Variants in NALF1 observed in about 807,000 individuals in gnomAD.
NALF1 encodes the protein NALCN channel auxiliary factor 1, also known as family with sequence similarity 155 member A.
In NALF1, 3 loss-of-function variants were observed where a neutral mutation model predicts 48.4. The observed-to-expected ratio is 0.06, with a 90% CI of 0.03 to 0.16. The LOEUF (loss-of-function observed/expected upper bound fraction) is 0.16, where lower values mean the gene tolerates loss of function less well. Among genes scored for constraint, NALF1 ranks in the 10% least tolerant of loss-of-function variants. The pLI is 1.00. For synonymous variants in NALF1, 262 were observed against 245.7 expected (o/e 1.07, Z -0.62); for missense variants, 526 against 571.5 (o/e 0.92, Z 0.81).
intron 1 of NALF1, among the ~76,000 whole-genome samples, chr13:107,235,658 T>TA (rs2138829625): frequency 6.6e-6 from 1 of 152,362 alleles, no homozygotes; most frequent in East Asian, 1.9e-4. Flanking sequence ...CATCCATTTT[T>TA]AAAAATACTT....
At chr13:107,283,778 G>A (rs544019778) in intron 1 of NALF1, among the ~76,000 whole-genome samples, 79 of 151,912 alleles carry the variant, frequency 5.2e-4, no homozygotes, top group African/African-American at 1.8e-3. Flanking sequence ...TCCTGTCTCA[G>A]CCTCCTGAGT....
intron 1 of NALF1, among the ~76,000 whole-genome samples, chr13:107,355,493 C>A (rs1436793320): frequency 6.6e-6 from 1 of 152,086 alleles, no homozygotes; most frequent in African/African-American, 2.4e-5. Flanking sequence ...TTGTCCCTAC[C>A]TGAATCTCAT....
intron 1 of NALF1, among the ~76,000 whole-genome samples, chr13:107,731,594 C>G (rs1380179619): frequency 1.3e-5 from 2 of 152,132 alleles, no homozygotes. Context: ...TGTTAGTCCC[C>G]TCTATGTGTC....
chr13:107,537,570 C>T (rs1876866131), intron 1 of NALF1, among the ~76,000 whole-genome samples: 1 of 152,014 alleles, frequency 6.6e-6, no homozygotes, highest in African/African-American at 2.4e-5. Context: ...GAATGTGAAA[C>T]TCAAAAGCCT....
intron 1 of NALF1, among the ~76,000 whole-genome samples, chr13:107,797,271 T>C (rs577312084): frequency 2.6e-5 from 4 of 152,310 alleles, no homozygotes; most frequent in Admixed American, 2.0e-4. Context: ...AGTGGCACAA[T>C]CTTAGCTCAC....
chr13:107,755,974 G>C (rs1041912484), intron 1 of NALF1, among the ~76,000 whole-genome samples: 5 of 152,152 alleles, frequency 3.3e-5, no homozygotes, highest in Admixed American at 3.3e-4. Flanking sequence ...TCACTAAAGA[G>C]AAAGAACCAA....
chr13:107,507,594 TAA>T (rs548709767), intron 1 of NALF1, among the ~76,000 whole-genome samples: 1,045 of 86,268 alleles, frequency 0.012, 12 homozygotes, highest in East Asian at 0.062. Flanking sequence ...TATTCTCCAT[TAA>T]AAAAAAAAAA....
chr13:107,320,151 T>C (rs1387298039), intron 1 of NALF1, among the ~76,000 whole-genome samples: 1 of 152,054 alleles, frequency 6.6e-6, no homozygotes, highest in Non-Finnish European at 1.5e-5. Context: ...TATACACTTC[T>C]CTAGGGGGTC....
At chr13:107,380,560 G>A (rs7994881) in intron 1 of NALF1, among the ~76,000 whole-genome samples, 15,890 of 152,132 alleles carry the variant, frequency 0.1, 1,976 homozygotes, top group African/African-American at 0.3. Context: ...CTTTTTCAGT[G>A]CAAAGGACAT....
rs1881606202 is a variant in NALF1, at chr13:107,693,185, G to C, written c.915+172497C>G. On this transcript the variant is annotated intron_variant, in intron 1 of 2. Transcript: ENST00000375915. Reference sequence around the variant, plus strand: ...GTTGTTTCCTGCAGGGACATGCATGGAGTTGGAAACCATCATTCTGAGCAA... The same window carrying C: ...GTTGTTTCCTGCAGGGACATGCATGCAGTTGGAAACCATCATTCTGAGCAA... 2.6e-5 allele frequency among the ~76,000 whole-genome samples: 4 copies of C among 152,066 alleles called. No individual in the cohort carries two copies. The South Asian group carries it at 8.3e-4, about 32-fold the overall frequency.
At chr13:107,237,407 A>G (rs1880375684) in intron 1 of NALF1, among the ~76,000 whole-genome samples, 1 of 152,044 alleles carries the variant, frequency 6.6e-6, no homozygotes, top group South Asian at 2.1e-4. Context: ...CTTATAACCC[A>G]AAAACGTATA....
chr13:107,189,332 T>TA (rs1438325866), intron 2 of NALF1, among the ~76,000 whole-genome samples: 1 of 152,188 alleles, frequency 6.6e-6, no homozygotes, highest in Non-Finnish European at 1.5e-5. Flanking sequence ...GGTCACACAG[T>TA]AATTTTTTTA....
At chr13:107,787,103 G>T (rs1878098125) in intron 1 of NALF1, among the ~76,000 whole-genome samples, 2 of 152,002 alleles carry the variant, frequency 1.3e-5, no homozygotes, top group Non-Finnish European at 2.9e-5. Flanking sequence ...GAAAATATTA[G>T]ATCTATTATG....
At chr13:107,652,903 C>A (rs761164789) in intron 1 of NALF1, among the ~76,000 whole-genome samples, 1 of 152,068 alleles carries the variant, frequency 6.6e-6, no homozygotes, top group Non-Finnish European at 1.5e-5. Context: ...AAGCATTGTG[C>A]CATTTGGTGC....
At chr13:107,552,311 G>A (rs1877316182) in intron 1 of NALF1, among the ~76,000 whole-genome samples, 1 of 152,110 alleles carries the variant, frequency 6.6e-6, no homozygotes, top group South Asian at 2.1e-4. Flanking sequence ...AAATAGAAAT[G>A]CAACATGTGT....
intron 1 of NALF1, among the ~76,000 whole-genome samples, chr13:107,313,079 A>C (rs900819092): frequency 2.6e-5 from 4 of 152,158 alleles, no homozygotes; most frequent in Non-Finnish European, 4.4e-5. Flanking sequence ...GTTTTTAAAA[A>C]ACAGAATACT....
intron 1 of NALF1, among the ~76,000 whole-genome samples, chr13:107,313,395 A>G (rs1199647055): frequency 3.9e-5 from 6 of 152,200 alleles, no homozygotes; most frequent in Admixed American, 3.9e-4. Context: ...ACCTGCCTCC[A>G]AATTATTCCT....
intron 1 of NALF1, among the ~76,000 whole-genome samples, chr13:107,216,268 A>G (rs1879871490): frequency 6.6e-6 from 1 of 152,224 alleles, no homozygotes; most frequent in Admixed American, 6.5e-5. Context: ...CGCATAACGC[A>G]TGTTGCTACA....
At chr13:107,318,731 T>C (rs1882197557) in intron 1 of NALF1, among the ~76,000 whole-genome samples, 1 of 152,060 alleles carries the variant, frequency 6.6e-6, no homozygotes, top group African/African-American at 2.4e-5. Flanking sequence ...CTTGTACATG[T>C]AGGCAAGACT....
Sources: gnomAD v4.1 joint callset for allele counts (sites outside exome capture counted in the v4.1 genomes callset) on GRCh38, gnomAD v4.1.1 for gene constraint, MANE v1.5 for transcripts, NCBI Gene and HGNC (gene_info 2026-07-23, HGNC 2026-07-21) for gene names.